Variants in MAGI2 observed in about 807,000 individuals in gnomAD.
MAGI2 encodes the protein membrane-associated guanylate kinase, WW and PDZ domain-containing protein 2.
A neutral mutation model predicts 133.3 loss-of-function variants in MAGI2; 35 were observed. The ratio of observed to expected loss-of-function variants is 0.26; its 90% CI spans 0.20 to 0.35. The LOEUF is 0.35. Ranked by LOEUF, MAGI2 falls within the 10% of genes least tolerant of loss-of-function variation. MAGI2 has a pLI of 1.00. For synonymous variants in MAGI2, 729 were observed against 710.6 expected (o/e 1.03, Z -0.41); for missense variants, 1,636 against 1,863.4 (o/e 0.88, Z 2.25).
At chr7:78,729,177 G>T (rs189716291) in intron 2 of MAGI2, among the ~76,000 whole-genome samples, 68 of 152,242 alleles carry the variant, frequency 4.5e-4, no homozygotes, top group African/African-American at 1.6e-3. Flanking sequence ...AAGGCACATT[G>T]GTTTAGTGCC....
chr7:78,317,630 G>A (rs534432299), intron 9 of MAGI2, among the ~76,000 whole-genome samples: 4 of 152,280 alleles, frequency 2.6e-5, no homozygotes, highest in South Asian at 4.1e-4. Flanking sequence ...CACAGCATTC[G>A]AGCTCTGATA....
chr7:78,960,079 C>A (rs1341605399), intron 2 of MAGI2, among the ~76,000 whole-genome samples: 1 of 152,086 alleles, frequency 6.6e-6, no homozygotes, highest in African/African-American at 2.4e-5. Context: ...ACTTCCAATT[C>A]TGATCTATTG....
At chr7:79,022,704 A>C (rs1809468907) in intron 1 of MAGI2, among the ~76,000 whole-genome samples, 1 of 151,238 alleles carries the variant, frequency 6.6e-6, no homozygotes, top group African/African-American at 2.4e-5. Context: ...AACTGGCCAC[A>C]CAGAAATACA....
At chr7:78,453,960 T>G (rs990248322) in intron 6 of MAGI2, among the ~76,000 whole-genome samples, 1 of 152,186 alleles carries the variant, frequency 6.6e-6, no homozygotes, top group African/African-American at 2.4e-5. Context: ...TTTTGATACA[T>G]GTATACAAGT....
At position 78,287,557 on chromosome 7, in the gene MAGI2, T is replaced by C. The variant is rs143979523; in HGVS notation, c.1409-30976A>G. On this transcript the variant is annotated intron_variant, in intron 9 of 21. Coordinates refer to ENST00000354212, the MANE Select transcript of MAGI2 (RefSeq NM_012301.4). ...AGGATGTAGTTAAAACACAAATAAGTAGTATTAGCTTTCAAAAATCTGTAT... is the reference window on the plus strand; with the variant it reads ...AGGATGTAGTTAAAACACAAATAAGCAGTATTAGCTTTCAAAAATCTGTAT... Among the ~76,000 whole-genome samples, 208 of 152,184 alleles carry C rather than the reference T, an allele frequency of 1.4e-3. 2 individuals carry two copies. Among genetic ancestry groups the C allele is most frequent in the Admixed American group, 3.1e-3 (48 of 15,276 alleles).
chr7:78,394,935 T>C (rs543301156), intron 6 of MAGI2, among the ~76,000 whole-genome samples: 4 of 152,358 alleles, frequency 2.6e-5, no homozygotes, highest in African/African-American at 9.6e-5. Flanking sequence ...GGAGTTCTTT[T>C]TTCACAAAGT....
chr7:79,402,306 T>A (rs984281939), intron 1 of MAGI2, among the ~76,000 whole-genome samples: 6 of 152,186 alleles, frequency 3.9e-5, no homozygotes, highest in African/African-American at 1.2e-4. Flanking sequence ...AAAACTATTA[T>A]CTCATCTACT....
intron 2 of MAGI2, among the ~76,000 whole-genome samples, chr7:78,631,982 G>T (rs1809057602): frequency 6.6e-6 from 1 of 152,280 alleles, no homozygotes; most frequent in East Asian, 1.9e-4. Context: ...AGGAACAAAT[G>T]GGATAATTCA....
At chr7:78,442,921 ACTAG>A (rs1370395761) in intron 6 of MAGI2, among the ~76,000 whole-genome samples, 1 of 152,208 alleles carries the variant, frequency 6.6e-6, no homozygotes, top group Non-Finnish European at 1.5e-5. Flanking sequence ...TCAGGAAAAC[ACTAG>A]TTAGTTAAAA....
chr7:78,417,229 T>C (rs902459632), intron 6 of MAGI2, among the ~76,000 whole-genome samples: 2 of 152,100 alleles, frequency 1.3e-5, no homozygotes, highest in Non-Finnish European at 2.9e-5. Context: ...TTATTTTATT[T>C]TGAAGCAAAT....
intron 17 of MAGI2, chr7:78,133,990 T>C (rs1011886427): frequency 6.6e-6 from 1 of 152,208 alleles, no homozygotes; most frequent in Non-Finnish European, 1.5e-5. Flanking sequence ...CTCAGCACTG[T>C]TGGCATTTTG....
chr7:79,233,703 G>A (rs1831596014), intron 1 of MAGI2, among the ~76,000 whole-genome samples: 1 of 78,374 alleles, frequency 1.3e-5, no homozygotes, highest in Non-Finnish European at 2.5e-5. Context: ...CACATGAGAT[G>A]GGTTTCCTGA....
intron 20 of MAGI2, among the ~76,000 whole-genome samples, chr7:78,089,407 T>C (rs1245925077): frequency 6.6e-6 from 1 of 152,134 alleles, no homozygotes; most frequent in Non-Finnish European, 1.5e-5. Flanking sequence ...GAACAAGCAC[T>C]GGGGTGGGGT....
intron 2 of MAGI2, among the ~76,000 whole-genome samples, chr7:78,866,824 T>G (rs994012477): frequency 5.3e-5 from 8 of 152,054 alleles, no homozygotes; most frequent in African/African-American, 1.7e-4. Flanking sequence ...AGAAACTCCT[T>G]TTTCACTTCA....
chr7:78,044,569 T>A (rs974743402), intron 21 of MAGI2, among the ~76,000 whole-genome samples: 1 of 152,144 alleles, frequency 6.6e-6, no homozygotes, highest in Admixed American at 6.5e-5. Context: ...CACTGTGAAA[T>A]CCTTAATTCA....
intron 1 of MAGI2, chr7:79,177,147 G>GA: frequency 6.6e-6 from 1 of 152,016 alleles, no homozygotes. Flanking sequence ...AATCTTAATA[G>GA]AAAAATAGAC....
chr7:78,499,096 T>C (rs1794393287), intron 5 of MAGI2, among the ~76,000 whole-genome samples: 1 of 149,776 alleles, frequency 6.7e-6, no homozygotes, highest in Non-Finnish European at 1.5e-5. Context: ...AAAATGCCAC[T>C]CCTTTGCTTG....
At chr7:79,074,986 G>T (rs986122041) in intron 1 of MAGI2, among the ~76,000 whole-genome samples, 1 of 152,156 alleles carries the variant, frequency 6.6e-6, no homozygotes, top group African/African-American at 2.4e-5. Flanking sequence ...AAATCTTTCT[G>T]TCTTGTTCTT....
At chr7:78,208,142 T>TTA (rs1787304991) in intron 10 of MAGI2, among the ~76,000 whole-genome samples, 1 of 150,198 alleles carries the variant, frequency 6.7e-6, no homozygotes, top group African/African-American at 2.4e-5. Context: ...TGGCTTTTTT[T>TTA]TTTTTTTTTT....
Sources: allele counts gnomAD v4.1 joint callset (sites outside exome capture counted in the v4.1 genomes callset), GRCh38; gene constraint gnomAD v4.1.1; transcripts MANE v1.5; gene names NCBI Gene and HGNC (gene_info 2026-07-23, HGNC 2026-07-21).